Variants in DESI2 observed in about 807,000 individuals in gnomAD.
DESI2 encodes deubiquitinase DESI2.
Under a neutral mutation model 24.1 loss-of-function variants are expected in DESI2, and 10 were observed. The ratio of observed to expected loss-of-function variants is 0.41; its 90% CI spans 0.26 to 0.70. The LOEUF (loss-of-function observed/expected upper bound fraction) is 0.70. DESI2 is among the 30% of genes least tolerant of loss of function. The pLI is 0.29. For synonymous variants in DESI2, 71 were observed against 87.7 expected (o/e 0.81, Z 1.06); for missense variants, 122 against 234.9 (o/e 0.52, Z 3.14).
chr1:244,654,039 T>C (rs1049312833), intron 1 of DESI2: 5 of 470,672 alleles, frequency 1.1e-5, no homozygotes, highest in Non-Finnish European at 2.2e-5. Flanking sequence ...ATGCAACAGG[T>C]GACGTGACCA....
At chr1:244,658,988 A>C (rs570393735) in intron 1 of DESI2, among the ~76,000 whole-genome samples, 2 of 152,076 alleles carry the variant, frequency 1.3e-5, no homozygotes, top group African/African-American at 4.8e-5. Context: ...GAATTTTAAC[A>C]TAAATTAACT....
chr1:244,682,457 A>G (rs1442244089), intron 1 of DESI2, among the ~76,000 whole-genome samples: 4 of 152,186 alleles, frequency 2.6e-5, no homozygotes, highest in South Asian at 2.1e-4. Context: ...ACATCGTTCA[A>G]ATGTCAAAAC....
chr1:244,662,048 C>G (rs1349632892), intron 1 of DESI2, among the ~76,000 whole-genome samples: 1 of 152,220 alleles, frequency 6.6e-6, no homozygotes, highest in Admixed American at 6.5e-5. Flanking sequence ...GTTCCTATTT[C>G]TCCACATCCT....
Position 244,653,635 on chromosome 1 carries a change from C to A in DESI2, c.42+280C>A, listed in dbSNP as rs1269038380. The A allele has an allele frequency of 1.2e-5, 6 of 519,242 alleles. No homozygotes were observed. The Admixed American group carries it at 2.3e-4, about 20-fold the overall frequency. 32.2% of individuals were successfully genotyped at this position (519,242 alleles called of 1,614,324 possible). ...CTTGGACCCGACCCCGGCTCTGGGC[C>A]CGACCCCTTGGCCGACGTGCAGTGT... On this transcript the variant is annotated intron_variant, in intron 1 of 4. Coordinates refer to ENST00000302550, the MANE Select transcript of DESI2 (RefSeq NM_016076.5).
At chr1:244,654,832 G>A (rs1675591450) in intron 1 of DESI2, among the ~76,000 whole-genome samples, 1 of 152,098 alleles carries the variant, frequency 6.6e-6, no homozygotes, top group East Asian at 1.9e-4. Context: ...TTTTATTCAT[G>A]AGGGCTATTA....
chr1:244,655,215 G>C (rs1558647261), intron 1 of DESI2, among the ~76,000 whole-genome samples: 1 of 152,186 alleles, frequency 6.6e-6, no homozygotes, highest in Non-Finnish European at 1.5e-5. Context: ...AAAATAGGTA[G>C]TTAGAGAAGC....
At chr1:244,679,808 A>G (rs1444456957) in intron 1 of DESI2, among the ~76,000 whole-genome samples, 2 of 141,848 alleles carry the variant, frequency 1.4e-5, no homozygotes, top group African/African-American at 5.2e-5. Flanking sequence ...TGGAGGTTGC[A>G]GTGAGCCCAG....
chr1:244,659,052 G>A (rs578201178), intron 1 of DESI2, among the ~76,000 whole-genome samples: 15 of 149,176 alleles, frequency 1.0e-4, no homozygotes, highest in African/African-American at 3.5e-4. Context: ...TTTTTTAAAC[G>A]GTAAGGAATT....
intron 1 of DESI2, among the ~76,000 whole-genome samples, chr1:244,677,411 C>G (rs902137500): frequency 1.3e-4 from 20 of 152,068 alleles, no homozygotes; most frequent in African/African-American, 4.6e-4. Flanking sequence ...GATTTTTAAC[C>G]AGTAAATAGA....
chr1:244,705,445 T>G, intron 4 of DESI2, 111 bp from the exon 5 acceptor site: 1 of 788,132 alleles, frequency 1.3e-6, no homozygotes, highest in Non-Finnish European at 2.1e-6. Context: ...AAGGCTAGTC[T>G]GCCGTGGCTT....
At position 244,708,361 on chromosome 1, in the gene DESI2, C is replaced by G. The variant is rs1251930432; in HGVS notation, c.*2572C>G. On this transcript the variant is annotated 3_prime_UTR_variant, in exon 5 of 5. Transcript: ENST00000302550. The stretch of plus-strand genomic sequence containing the variant: ...AGCATCAGCTTTGGAAAGTGTGACT[C>G]TGTAGGAGTGTAGAAGGCAGTGGTG... 1.3e-5 allele frequency: 2 copies of G among 152,596 alleles called. No individual in the cohort carries two copies. The highest frequency in any genetic ancestry group is 3.9e-4 in the East Asian group (2 of 5,192). 9.5% of individuals were successfully genotyped at this position (152,596 alleles called of 1,614,324 possible). A position where few individuals can be genotyped will look rare whatever the true frequency, so the allele number is the denominator to read the frequency against.
intron 1 of DESI2, among the ~76,000 whole-genome samples, chr1:244,681,473 A>AT (rs1365982089): frequency 6.8e-6 from 1 of 146,978 alleles, no homozygotes; most frequent in African/African-American, 2.5e-5. Context: ...GTGGAAGATG[A>AT]TTTTGCCATG....
At chr1:244,698,019 C>G (rs1429233548) in intron 4 of DESI2, among the ~76,000 whole-genome samples, 1 of 152,172 alleles carries the variant, frequency 6.6e-6, no homozygotes, top group Non-Finnish European at 1.5e-5. Flanking sequence ...TGCAAGGGGT[C>G]GAATACATCT....
chr1:244,668,355 A>C (rs992030621), intron 1 of DESI2, among the ~76,000 whole-genome samples: 1 of 152,236 alleles, frequency 6.6e-6, no homozygotes. Flanking sequence ...AGGTAGTTTA[A>C]CAGTGTAAAC....
chr1:244,697,635 A>ATGAT (rs753329192), intron 4 of DESI2, among the ~76,000 whole-genome samples: 3 of 152,170 alleles, frequency 2.0e-5, no homozygotes, highest in African/African-American at 4.8e-5. Flanking sequence ...CGAATTTCAA[A>ATGAT]TGATAGATCC....
At chr1:244,682,881 T>C (rs541568234) in intron 1 of DESI2, among the ~76,000 whole-genome samples, 2 of 151,664 alleles carry the variant, frequency 1.3e-5, no homozygotes, top group Non-Finnish European at 2.9e-5. Flanking sequence ...CTCAGTGATA[T>C]TTGTTAAAGC....
chr1:244,665,057 A>T (rs529285338), intron 1 of DESI2, among the ~76,000 whole-genome samples: 1 of 152,286 alleles, frequency 6.6e-6, no homozygotes, highest in Non-Finnish European at 1.5e-5. Flanking sequence ...TGTCTGTGCT[A>T]TTCATTTCTG....
rs558917304 is a variant in DESI2 at position 244,681,167 on chromosome 1, A to C, written c.43-5430A>C. 5.9e-5 allele frequency among the ~76,000 whole-genome samples: 9 copies of C among 152,256 alleles called. No homozygotes were observed. In the East Asian group the frequency reaches 1.7e-3, roughly 29 times the overall value. On this transcript the variant is annotated intron_variant, in intron 1 of 4. Transcript: ENST00000302550. ...TTTTTGCCCTAACTTTGAATCAACC[A>C]TTTCTCCAGAGTCCTGATTCCTTTT...
chr1:244,683,704 C>T (rs1342579281), intron 1 of DESI2, among the ~76,000 whole-genome samples: 1 of 151,740 alleles, frequency 6.6e-6, no homozygotes, highest in Non-Finnish European at 1.5e-5. Flanking sequence ...TTAAGAGCAT[C>T]ACACCTGCCC....
Sources: allele counts gnomAD v4.1 joint callset (sites outside exome capture counted in the v4.1 genomes callset), GRCh38; gene constraint gnomAD v4.1.1; transcripts MANE v1.5; gene names NCBI Gene and HGNC (gene_info 2026-07-23, HGNC 2026-07-21).